Variants in ALKBH8 observed in about 807,000 individuals in gnomAD.
ALKBH8 encodes alkB homolog 8, tRNA methyltransferase.
A neutral mutation model predicts 59.8 loss-of-function variants in ALKBH8; 36 were observed. The observed-to-expected ratio is 0.60, with a 90% CI of 0.46 to 0.79. ALKBH8 has a LOEUF of 0.79. Ranked by LOEUF, ALKBH8 falls within the 30% of genes least tolerant of loss-of-function variation. The pLI, the probability that ALKBH8 is intolerant of heterozygous loss-of-function variation, is 0.00. For synonymous variants in ALKBH8, 276 were observed against 273.6 expected, an observed-to-expected ratio of 1.01 and a Z score of -0.09; for missense variants, 768 against 801.0, an observed-to-expected ratio of 0.96 and a Z score of 0.50.
intron 7 of ALKBH8, among the ~76,000 whole-genome samples, chr11:107,544,474 A>G (rs1407312962): frequency 6.6e-6 from 1 of 152,212 alleles, no homozygotes; most frequent in Non-Finnish European, 1.5e-5. Flanking sequence ...CTGAAAGATG[A>G]GAAAATTACA....
intron 2 of ALKBH8, among the ~76,000 whole-genome samples, chr11:107,557,858 T>G (rs1864779777): frequency 6.6e-6 from 1 of 152,214 alleles, no homozygotes; most frequent in Admixed American, 6.5e-5. Flanking sequence ...ACTTAACCAT[T>G]CTATACAATG....
At chr11:107,558,429 C>T (rs1253921656) in intron 2 of ALKBH8, among the ~76,000 whole-genome samples, 1 of 152,126 alleles carries the variant, frequency 6.6e-6, no homozygotes, top group Non-Finnish European at 1.5e-5. Flanking sequence ...AATTAAAATA[C>T]CAAAATAACT....
intron 6 of ALKBH8, among the ~76,000 whole-genome samples, chr11:107,550,789 G>A (rs630480): frequency 0.47 from 71,955 of 151,942 alleles, 18,018 homozygotes; most frequent in Non-Finnish European, 0.56. Flanking sequence ...GTGGAAGCTC[G>A]CTCTCTCTCC....
chr11:107,555,720 A>T (rs917927727), intron 3 of ALKBH8, among the ~76,000 whole-genome samples: 15 of 152,214 alleles, frequency 9.9e-5, no homozygotes, highest in African/African-American at 3.6e-4. Flanking sequence ...AGGATATCTA[A>T]AACAGGGCTC....
intron 7 of ALKBH8, among the ~76,000 whole-genome samples, chr11:107,535,415 CTT>C (rs1863773454): frequency 6.6e-6 from 1 of 152,092 alleles, no homozygotes; most frequent in African/African-American, 2.4e-5. Context: ...CTGCTAACAT[CTT>C]TTATTTTTTA....
chr11:107,521,314 TTTCTC>T (rs1379863941), intron 10 of ALKBH8, among the ~76,000 whole-genome samples: 2 of 152,214 alleles, frequency 1.3e-5, no homozygotes, highest in African/African-American at 2.4e-5. Context: ...GTATATCACT[TTTCTC>T]TTATATGCTA....
At chr11:107,522,578 C>T (rs1435446010) in intron 9 of ALKBH8, 23 bp from the exon 10 acceptor site, 6 of 1,538,480 alleles carry the variant, frequency 3.9e-6, no homozygotes, top group African/African-American at 2.8e-5. Flanking sequence ...GCAATACACA[C>T]CTTTCCTTTT....
intron 8 of ALKBH8, among the ~76,000 whole-genome samples, chr11:107,527,219 A>G (rs922555675): frequency 6.6e-6 from 1 of 151,962 alleles, no homozygotes; most frequent in Non-Finnish European, 1.5e-5. Flanking sequence ...TGTGTGTTGC[A>G]TATCTTTTAA....
At chr11:107,547,473 C>T (rs2135561099) in intron 7 of ALKBH8, among the ~76,000 whole-genome samples, 1 of 152,276 alleles carries the variant, frequency 6.6e-6, no homozygotes, top group South Asian at 2.1e-4. Context: ...AGCCTTTACA[C>T]GCATGGATTA....
At chr11:107,522,018 C>A (rs1207941102) in intron 10 of ALKBH8, among the ~76,000 whole-genome samples, 1 of 151,844 alleles carries the variant, frequency 6.6e-6, no homozygotes, top group East Asian at 1.9e-4. Flanking sequence ...TATAAAAATC[C>A]TTTCTAATCT....
chr11:107,537,592 T>C (rs991727363), intron 7 of ALKBH8, among the ~76,000 whole-genome samples: 5 of 152,038 alleles, frequency 3.3e-5, no homozygotes, highest in South Asian at 2.1e-4. Context: ...TCAGGAAGAA[T>C]AGCTAATAGA....
chr11:107,542,831 G>A (rs1345911830), intron 7 of ALKBH8, among the ~76,000 whole-genome samples: 2 of 152,142 alleles, frequency 1.3e-5, no homozygotes, highest in Non-Finnish European at 2.9e-5. Flanking sequence ...GGTTGCTTGA[G>A]ACTGGGAGGT....
intron 10 of ALKBH8, among the ~76,000 whole-genome samples, chr11:107,516,130 G>A (rs542967097): frequency 6.6e-6 from 1 of 152,308 alleles, no homozygotes; most frequent in Admixed American, 6.5e-5. Flanking sequence ...CATTGCAGAT[G>A]AGAAAACTTC....
In ALKBH8 at chr11:107,508,822, T is replaced by C. The variant is rs934297957; in HGVS notation, c.1437+2065A>G. ...GCATAATATCCTCAAGGTTCATCCA[T>C]GTTGTAGCATGTGTCAGAATTTCCT... On this transcript the variant is annotated intron_variant, in intron 11 of 11. Transcript: ENST00000428149. Among the ~76,000 whole-genome samples the C allele has an allele frequency of 3.3e-5, 5 of 152,368 alleles. No individual in the cohort carries two copies. In the East Asian group the frequency reaches 9.6e-4, roughly 29 times the overall value.
intron 7 of ALKBH8, among the ~76,000 whole-genome samples, chr11:107,534,972 C>T (rs767645363): frequency 6.6e-6 from 1 of 152,146 alleles, no homozygotes; most frequent in Non-Finnish European, 1.5e-5. Flanking sequence ...ATCCTCATAG[C>T]TTAGCTCCCA....
At chr11:107,514,371 T>C (rs949952299) in intron 10 of ALKBH8, among the ~76,000 whole-genome samples, 1 of 152,218 alleles carries the variant, frequency 6.6e-6, no homozygotes, top group East Asian at 1.9e-4. Flanking sequence ...CTAGTCATAC[T>C]TAATGAGTTT....
At chr11:107,532,208 C>A (rs1288564210) in intron 8 of ALKBH8, 92 bp downstream of exon 8, 2 of 1,012,278 alleles carry the variant, frequency 2.0e-6, no homozygotes, top group Non-Finnish European at 2.9e-6. Context: ...AAGCCTCAAT[C>A]TGCAGGCACA....
At chr11:107,530,279 T>C (rs1171573531) in intron 8 of ALKBH8, among the ~76,000 whole-genome samples, 1 of 152,180 alleles carries the variant, frequency 6.6e-6, no homozygotes, top group Non-Finnish European at 1.5e-5. Context: ...AAAAGTTAGA[T>C]TGAGGTATCT....
chr11:107,526,814 C>A (rs1591276212), intron 8 of ALKBH8, among the ~76,000 whole-genome samples: 1 of 151,914 alleles, frequency 6.6e-6, no homozygotes, highest in East Asian at 1.9e-4. Context: ...TGTTCCAGCA[C>A]CATCTGATGA....
Sources: allele counts gnomAD v4.1 joint callset (sites outside exome capture counted in the v4.1 genomes callset), GRCh38; gene constraint gnomAD v4.1.1; transcripts MANE v1.5; gene names NCBI Gene and HGNC (gene_info 2026-07-23, HGNC 2026-07-21).